ROBO2: variants seen among roughly 807,000 people sequenced by gnomAD.
ROBO2 encodes roundabout guidance receptor 2.
A neutral mutation model predicts 160.8 loss-of-function variants in ROBO2; 53 were observed. The ratio of observed to expected loss-of-function variants is 0.33; its 90% confidence interval spans 0.26 to 0.41. The LOEUF is 0.41. Among genes scored for constraint, ROBO2 ranks in the 10% least tolerant of loss-of-function variants. The pLI is 1.00. For synonymous variants in ROBO2, 664 were observed against 611.7 expected (o/e 1.09, Z -1.26); for missense variants, 1,577 against 1,722.4 (o/e 0.92, Z 1.49).
intron 2 of ROBO2, among the ~76,000 whole-genome samples, chr3:76,477,608 C>A (rs1168580570): frequency 1.3e-5 from 2 of 151,992 alleles, no homozygotes; most frequent in Admixed American, 1.3e-4. Flanking sequence ...AATAACATGT[C>A]CATTTTTAAA....
At chr3:77,537,112 TATTACACTTACCAAAATAAATCCA>T (rs1582792845) in intron 6 of ROBO2, among the ~76,000 whole-genome samples, 2 of 139,152 alleles carry the variant, frequency 1.4e-5, no homozygotes, top group East Asian at 4.4e-4. Context: ...GGGGGGGGTG[TATTACACTTACCAAAATAAATCCA>T]ATGCCTCCTT....
intron 1 of ROBO2, among the ~76,000 whole-genome samples, chr3:75,909,341 C>A (rs1182080244): frequency 6.6e-6 from 1 of 152,048 alleles, no homozygotes; most frequent in Non-Finnish European, 1.5e-5. Flanking sequence ...ATGCTCAGTA[C>A]AGTTTAGGGG....
chr3:77,327,983 G>A (rs1407038789), intron 2 of ROBO2, among the ~76,000 whole-genome samples: 1 of 150,296 alleles, frequency 6.7e-6, no homozygotes, highest in East Asian at 2.0e-4. Flanking sequence ...CCTGGGAGAC[G>A]GAGACAGAGG....
At chr3:77,246,256 T>C (rs80201403) in intron 2 of ROBO2, among the ~76,000 whole-genome samples, 3,795 of 152,160 alleles carry the variant, frequency 0.025, 100 homozygotes, top group African/African-American at 0.055. Context: ...ATCTCTTCCC[T>C]GTATCCTAGA....
intron 2 of ROBO2, among the ~76,000 whole-genome samples, chr3:76,470,738 A>G (rs1465403416): frequency 6.6e-6 from 1 of 152,166 alleles, no homozygotes; most frequent in East Asian, 1.9e-4. Context: ...CTAGAAGAAT[A>G]TTAATACTGA....
intron 2 of ROBO2, among the ~76,000 whole-genome samples, chr3:76,123,137 C>T (rs2070822300): frequency 6.6e-6 from 1 of 152,110 alleles, no homozygotes; most frequent in African/African-American, 2.4e-5. Context: ...TCCCTGAGCT[C>T]TTGCCTGGCA....
chr3:77,574,873 A>G, intron 14 of ROBO2, 143 bp downstream of exon 15: 1 of 673,304 alleles, frequency 1.5e-6, no homozygotes, highest in Non-Finnish European at 2.6e-6. Context: ...TTTTATTCTG[A>G]GAATTCTATA....
At chr3:77,075,704 G>T (rs2067921095) in intron 1 of ROBO2, among the ~76,000 whole-genome samples, 2 of 118,142 alleles carry the variant, frequency 1.7e-5, no homozygotes, top group Admixed American at 1.0e-4. Flanking sequence ...TTGAGATGGA[G>T]TCTTGCTCGT....
chr3:76,498,549 C>G (rs1413945194), intron 2 of ROBO2, among the ~76,000 whole-genome samples: 2 of 151,544 alleles, frequency 1.3e-5, no homozygotes, highest in Non-Finnish European at 2.9e-5. Context: ...TCTAAATATT[C>G]TGTTCTATGC....
At chr3:77,345,809 T>C (rs2067570942) in intron 2 of ROBO2, among the ~76,000 whole-genome samples, 2 of 152,190 alleles carry the variant, frequency 1.3e-5, no homozygotes, top group Admixed American at 1.3e-4. Context: ...CAGTATACTC[T>C]TCAATTTATT....
chr3:76,043,655 A>G (rs1348148832), intron 2 of ROBO2, among the ~76,000 whole-genome samples: 1 of 150,300 alleles, frequency 6.7e-6, no homozygotes, highest in Non-Finnish European at 1.5e-5. Flanking sequence ...AACCACACCA[A>G]AAAACCAAAC....
At chr3:76,787,591 A>C (rs9815433) in intron 2 of ROBO2, among the ~76,000 whole-genome samples, 1 of 151,458 alleles carries the variant, frequency 6.6e-6, no homozygotes, top group Non-Finnish European at 1.5e-5. Flanking sequence ...TTTGTTATCT[A>C]TAAGTTCTCT....
chr3:76,776,876 C>G (rs1252932458), intron 2 of ROBO2, among the ~76,000 whole-genome samples: 2 of 150,910 alleles, frequency 1.3e-5, no homozygotes, highest in East Asian at 3.9e-4. Context: ...GGGCAGATTC[C>G]TAATGCCTTT....
intron 2 of ROBO2, among the ~76,000 whole-genome samples, chr3:77,335,321 C>T (rs1046921431): frequency 3.3e-5 from 5 of 152,046 alleles, no homozygotes; most frequent in Non-Finnish European, 7.4e-5. Flanking sequence ...GCACGAGAAT[C>T]GCTTGAACCC....
intron 2 of ROBO2, among the ~76,000 whole-genome samples, chr3:76,837,622 T>C (rs1422771406): frequency 6.6e-6 from 1 of 151,902 alleles, no homozygotes; most frequent in Non-Finnish European, 1.5e-5. Flanking sequence ...ATGCTTGTTT[T>C]GGCATCCTCT....
chr3:76,111,937 C>T (rs1436108281), intron 2 of ROBO2, among the ~76,000 whole-genome samples: 1 of 152,140 alleles, frequency 6.6e-6, no homozygotes, highest in East Asian at 1.9e-4. Context: ...GCACACTTCT[C>T]AGAATGGGCA....
chr3:77,497,733 A>G (rs921140434), intron 5 of ROBO2, among the ~76,000 whole-genome samples: 5 of 152,110 alleles, frequency 3.3e-5, no homozygotes, highest in Non-Finnish European at 7.4e-5. Flanking sequence ...AGAAGTTGTC[A>G]GTATTTATAA....
intron 2 of ROBO2, among the ~76,000 whole-genome samples, chr3:76,829,635 T>C (rs963349642): frequency 1.4e-5 from 2 of 145,948 alleles, no homozygotes; most frequent in South Asian, 2.3e-4. Flanking sequence ...TTCTTTTTCT[T>C]TTCCCTTTCC....
chr3:77,466,956 A>T (rs1181694411), intron 2 of ROBO2, among the ~76,000 whole-genome samples: 1 of 152,218 alleles, frequency 6.6e-6, no homozygotes, highest in Non-Finnish European at 1.5e-5. Context: ...TAACACGTTG[A>T]TACCAGGAGA....
Sources: allele counts gnomAD v4.1 joint callset (sites outside exome capture counted in the v4.1 genomes callset), GRCh38; gene constraint gnomAD v4.1.1; transcripts MANE v1.5; gene names NCBI Gene and HGNC (gene_info 2026-07-23, HGNC 2026-07-21).